Variants in RFX8 observed in about 807,000 individuals in gnomAD.
The protein encoded by RFX8 is regulatory factor X8, also known as DNA-binding protein RFX8.
A neutral mutation model predicts 54.6 loss-of-function variants in RFX8; 46 were observed. The ratio of observed to expected loss-of-function variants is 0.84; its 90% CI spans 0.67 to 1.08. The LOEUF is 1.08. Ranked by LOEUF, RFX8 falls within the 50% of genes least tolerant of loss-of-function variation. The pLI, the probability that RFX8 is intolerant of heterozygous loss-of-function variation, is 0.00. For missense variants in RFX8, 536 were observed against 562.3 expected, an observed-to-expected ratio of 0.95 and a Z score of 0.47; for synonymous variants, 192 against 209.5, an observed-to-expected ratio of 0.92 and a Z score of 0.72.
intron 2 of RFX8, among the ~76,000 whole-genome samples, chr2:101,426,275 C>T (rs1027396730): frequency 7.2e-5 from 11 of 151,846 alleles, no homozygotes; most frequent in African/African-American, 1.7e-4. Context: ...TGAGGCAGGA[C>T]GATTGCCTCG....
intron 1 of RFX8, among the ~76,000 whole-genome samples, chr2:101,468,750 GA>G (rs1255895865): frequency 2.0e-5 from 3 of 151,372 alleles, no homozygotes; most frequent in Non-Finnish European, 2.9e-5. Flanking sequence ...TTTTTGGGGG[GA>G]TGCTATTCAA....
intron 2 of RFX8, among the ~76,000 whole-genome samples, chr2:101,423,600 C>T (rs534815311): frequency 6.6e-6 from 1 of 152,244 alleles, no homozygotes; most frequent in African/African-American, 2.4e-5. Flanking sequence ...GCTCTCTGAC[C>T]CTATAGTTCC....
intron 2 of RFX8, among the ~76,000 whole-genome samples, chr2:101,461,283 GAAAGAA>G (rs1689266105): frequency 1.7e-5 from 2 of 120,368 alleles, no homozygotes; most frequent in South Asian, 2.7e-4. Context: ...AAAAAAAAAA[GAAAGAA>G]AAAGAAAAAG....
intron 11 of RFX8, 142 bp from the exon 12 acceptor site, chr2:101,397,866 T>TC (rs1685214657): frequency 1.7e-6 from 1 of 596,986 alleles, no homozygotes; most frequent in East Asian, 3.4e-5. Context: ...ATTTATTCCT[T>TC]TTTTTTTTTG....
At chr2:101,465,694 G>C (rs1689537258) in intron 2 of RFX8, among the ~76,000 whole-genome samples, 1 of 152,056 alleles carries the variant, frequency 6.6e-6, no homozygotes, top group Non-Finnish European at 1.5e-5. Flanking sequence ...AGACTGTTTT[G>C]GGAGGCTTAC....
At chr2:101,460,855 C>T (rs1689232469) in intron 2 of RFX8, among the ~76,000 whole-genome samples, 1 of 151,290 alleles carries the variant, frequency 6.6e-6, no homozygotes, top group African/African-American at 2.4e-5. Context: ...TCCACACAAG[C>T]TGGGATGAGG....
chr2:101,400,856 T>C lies in RFX8; in HGVS notation c.1245+1580A>G, dbSNP rs575332431. On this transcript the variant is annotated intron_variant, in intron 11 of 11. Transcript: ENST00000428343. ...TTTCCACTGGTGGCCCTTGGAGGGC[T>C]CTGCCGCCAGGTACAGCAGCAGGGA... Among the ~76,000 whole-genome samples the C allele has an allele frequency of 3.3e-5, 5 of 152,276 alleles. No individual in the cohort carries two copies. In the South Asian group the frequency reaches 1.0e-3, roughly 32 times the overall value.
At chr2:101,467,521 C>A (rs1376020121) in intron 1 of RFX8, among the ~76,000 whole-genome samples, 1 of 152,226 alleles carries the variant, frequency 6.6e-6, no homozygotes, top group Non-Finnish European at 1.5e-5. Context: ...CCAAGAGAGG[C>A]AGAGTGCTTT....
intron 1 of RFX8, among the ~76,000 whole-genome samples, chr2:101,471,453 T>A (rs937747333): frequency 1.3e-5 from 2 of 152,152 alleles, no homozygotes; most frequent in African/African-American, 4.8e-5. Context: ...CCTTTCCAAA[T>A]AAATTTGTAT....
At chr2:101,400,077 G>A (rs562158040) in intron 11 of RFX8, among the ~76,000 whole-genome samples, 20 of 152,296 alleles carry the variant, frequency 1.3e-4, no homozygotes, top group African/African-American at 4.8e-4. Flanking sequence ...CTATTTCATT[G>A]AGATGAAAAG....
At chr2:101,434,964 C>T (rs1457660134) in intron 2 of RFX8, 1 of 152,302 alleles carries the variant, frequency 6.6e-6, no homozygotes, top group Non-Finnish European at 1.5e-5. Context: ...AAAACAGCTT[C>T]CTGCTTGGGG....
At chr2:101,414,618 G>C (rs984297419) in intron 7 of RFX8, among the ~76,000 whole-genome samples, 1 of 152,024 alleles carries the variant, frequency 6.6e-6, no homozygotes, top group African/African-American at 2.4e-5. Flanking sequence ...CTCCTGCCCT[G>C]AGAGAGCCAG....
At chr2:101,474,263 C>A in intron 1 of RFX8, 1 of 608,742 alleles carries the variant, frequency 1.6e-6, no homozygotes, top group East Asian at 3.4e-5. Flanking sequence ...GAGGCCGGCA[C>A]CCCCTCGGCC....
intron 2 of RFX8, among the ~76,000 whole-genome samples, chr2:101,456,507 G>C (rs1688970616): frequency 6.6e-6 from 1 of 152,088 alleles, no homozygotes; most frequent in Non-Finnish European, 1.5e-5. Flanking sequence ...TATGTGATGG[G>C]TTACATTTAT....
intron 2 of RFX8, among the ~76,000 whole-genome samples, chr2:101,463,471 T>C (rs1689398893): frequency 6.6e-6 from 1 of 152,112 alleles, no homozygotes; most frequent in Non-Finnish European, 1.5e-5. Context: ...CCACCCTCTG[T>C]GCAGGCTGAG....
At position 101,443,434 on chromosome 2, in the gene RFX8, G is replaced by A. The variant is rs138565926; in HGVS notation, c.73-20962C>T. ...GGCATTCCACTCACTAGTAATATTG[G>A]TTCCTAATGTATATATGGTTTGTTT... On this transcript the variant is annotated intron_variant, in intron 2 of 11. Transcript: ENST00000428343. Among the ~76,000 whole-genome samples the A allele has an allele frequency of 4.9e-3, 751 of 152,260 alleles. 11 individuals are homozygous for A. The highest frequency in any genetic ancestry group is 0.017 in the African/African-American group (703 of 41,552).
At chr2:101,466,626 G>T in intron 2 of RFX8, 151 bp downstream of exon 2, 2 of 691,566 alleles carry the variant, frequency 2.9e-6, no homozygotes, top group Non-Finnish European at 2.6e-6. Context: ...TCTTCAATTA[G>T]CTGAAGGATG....
intron 11 of RFX8, among the ~76,000 whole-genome samples, chr2:101,401,642 C>T (rs1685451823): frequency 6.6e-6 from 1 of 152,148 alleles, no homozygotes; most frequent in Non-Finnish European, 1.5e-5. Context: ...GCCCACTCCC[C>T]ACTCCTCAAT....
intron 1 of RFX8, 115 bp from the exon 2 acceptor site, chr2:101,467,015 T>C: frequency 3.1e-6 from 2 of 635,562 alleles, no homozygotes; most frequent in Middle Eastern, 3.2e-4. Flanking sequence ...GAAACATGTC[T>C]AATTTATTGG....
Sources: allele counts gnomAD v4.1 joint callset (sites outside exome capture counted in the v4.1 genomes callset), GRCh38; gene constraint gnomAD v4.1.1; transcripts MANE v1.5; gene names NCBI Gene and HGNC (gene_info 2026-07-23, HGNC 2026-07-21).